MESD: variants seen among roughly 807,000 people sequenced by gnomAD.
The protein encoded by MESD is mesoderm development LRP chaperone.
A neutral mutation model predicts 12.9 loss-of-function variants in MESD; 7 were observed. That is an observed-to-expected ratio of 0.54 (90% CI 0.31 to 1.02). MESD has a LOEUF of 1.02. MESD is among the 50% of genes least tolerant of loss of function. The pLI is 0.05. For missense variants in MESD, 342 were observed against 296.7 expected (o/e 1.15, Z -1.12); for synonymous variants, 126 against 115.6 (o/e 1.09, Z -0.58).
chr15:80,989,668 C>T lies in MESD; in HGVS notation c.124G>A (p.Asp42Asn), dbSNP rs763486733. Residue 42 changes from aspartate (D) to asparagine (N), a missense_variant, in exon 1 of 3, where the codon GAC becomes AAC. By Grantham distance (23) the Asp-to-Asn change is conservative. Transcript: ENST00000261758. ...CAAEGSPGTP[D>N]ESTPPPRKKK... ...TTCCGGGGAGGTGGGGTAGACTCGTCGGGCGTCCCGGGCGAGCCTTCGGCC... is the reference window on the plus strand; with the variant it reads ...TTCCGGGGAGGTGGGGTAGACTCGTTGGGCGTCCCGGGCGAGCCTTCGGCC... 6.8e-6 allele frequency: 11 copies of T among 1,613,426 alleles called. No individual in the cohort carries two copies. In the Admixed American group the frequency reaches 1.7e-4, roughly 24 times the overall value.
intron 1 of MESD, among the ~76,000 whole-genome samples, chr15:80,983,135 C>T (rs1902628419): frequency 6.6e-6 from 1 of 151,826 alleles, no homozygotes; most frequent in Non-Finnish European, 1.5e-5. Flanking sequence ...CCTAGCTACT[C>T]AGGAGGCTGA....
chr15:80,980,875 G>C (rs943513273), intron 2 of MESD, among the ~76,000 whole-genome samples: 1 of 150,328 alleles, frequency 6.7e-6, no homozygotes, highest in Admixed American at 6.6e-5. Context: ...CCAGGCTGGA[G>C]TGCAGTGACG....
At chr15:80,970,456 A>G (rs1902260463) in intron 3 of MESD, 1 of 152,112 alleles carries the variant, frequency 6.6e-6, no homozygotes, top group African/African-American at 2.4e-5. Flanking sequence ...CTCTGGGCTC[A>G]CTCACCTGTA....
intron 3 of MESD, among the ~76,000 whole-genome samples, chr15:80,953,444 G>A (rs981313466): frequency 2.6e-5 from 4 of 152,064 alleles, no homozygotes; most frequent in Non-Finnish European, 5.9e-5. Context: ...GGCACTTCAG[G>A]GTCCTTCATT....
chr15:80,953,153 G>A (rs1037683210), intron 3 of MESD: 1 of 449,264 alleles, frequency 2.2e-6, no homozygotes, highest in Non-Finnish European at 4.5e-6. Flanking sequence ...GCTCAGTCAT[G>A]AGAGGCAAAG....
At chr15:80,969,202 G>A (rs1050566447) in intron 3 of MESD, among the ~76,000 whole-genome samples, 1 of 152,032 alleles carries the variant, frequency 6.6e-6, no homozygotes, top group African/African-American at 2.4e-5. Flanking sequence ...AATAAAATGA[G>A]AGTAAATGAA....
downstream of MESD, chr15:80,970,756 G>A (rs1191098252): frequency 6.6e-6 from 1 of 152,228 alleles, no homozygotes; most frequent in Admixed American, 6.5e-5. Context: ...CCTCAGTACA[G>A]AAGTGGGCTC....
chr15:80,969,669 A>G (rs768253829), intron 3 of MESD, among the ~76,000 whole-genome samples: 2 of 152,162 alleles, frequency 1.3e-5, no homozygotes. Context: ...ACCCTGGCCA[A>G]TATAGTGAAA....
intron 4 of MESD, chr15:80,949,100 C>G: frequency 1.2e-6 from 1 of 807,660 alleles, no homozygotes; most frequent in East Asian, 2.6e-5. Context: ...GCCACCTGCC[C>G]CTACTCAAGT....
intron 3 of MESD, among the ~76,000 whole-genome samples, chr15:80,966,648 A>C (rs1902180752): frequency 1.3e-5 from 2 of 152,176 alleles, no homozygotes; most frequent in South Asian, 4.1e-4. Context: ...TGCCTGCTCA[A>C]ATCTCAGCTT....
Position 80,948,632 on chromosome 15 carries a change from A to G in MESD, c.*893T>C, listed in dbSNP as rs1901671679. 41 of 904,898 alleles carry G rather than the reference A, an allele frequency of 4.5e-5. 1 individual carries two copies. The South Asian group carries it at 5.6e-4, about 12-fold the overall frequency. The allele number at this position is 904,898 out of a possible 1,614,324, so 56.1% of individuals were successfully genotyped here. ...TGCCCCATACAAACACATGTCAGGCACCATCAGTAGCTGAGCACAGAGCTC... is the reference window on the plus strand; with the variant it reads ...TGCCCCATACAAACACATGTCAGGCGCCATCAGTAGCTGAGCACAGAGCTC... On this transcript the variant is annotated 3_prime_UTR_variant, in exon 5 of 5. Transcript: ENST00000561312.
At chr15:80,971,452 T>G (rs1902286883), downstream of MESD, among the ~76,000 whole-genome samples, 1 of 152,152 alleles carries the variant, frequency 6.6e-6, no homozygotes, top group South Asian at 2.1e-4. Flanking sequence ...GCAACAATCC[T>G]AAGTCAGTTA....
chr15:80,985,146 C>T (rs537661346), intron 1 of MESD, among the ~76,000 whole-genome samples: 8 of 152,346 alleles, frequency 5.3e-5, no homozygotes, highest in Non-Finnish European at 2.9e-5. Flanking sequence ...CCTCACTTTG[C>T]TTTCAAAGAG....
intron 3 of MESD, among the ~76,000 whole-genome samples, chr15:80,967,837 T>C (rs1291196648): frequency 6.6e-6 from 1 of 152,186 alleles, no homozygotes; most frequent in African/African-American, 2.4e-5. Context: ...CAGGGAACAG[T>C]GGTCAAAGAT....
At chr15:80,979,872 G>C (rs1307991552) in intron 2 of MESD, among the ~76,000 whole-genome samples, 1 of 152,206 alleles carries the variant, frequency 6.6e-6, no homozygotes, top group Non-Finnish European at 1.5e-5. Flanking sequence ...ACTTTTATGG[G>C]ACAAAAGACT....
chr15:80,969,981 G>C (rs1475508833), intron 3 of MESD, among the ~76,000 whole-genome samples: 1 of 152,222 alleles, frequency 6.6e-6, no homozygotes, highest in African/African-American at 2.4e-5. Context: ...TTACTGCATA[G>C]GGCTGCTTGC....
chr15:80,975,228 A>AAC (rs1902381064), downstream of MESD, among the ~76,000 whole-genome samples: 1 of 149,056 alleles, frequency 6.7e-6, no homozygotes, highest in African/African-American at 2.5e-5. Flanking sequence ...AAACAAAAAA[A>AAC]AAAAAACCTA....
intron 2 of MESD, among the ~76,000 whole-genome samples, chr15:80,981,436 CAA>C (rs58445538): frequency 8.5e-4 from 41 of 48,460 alleles, no homozygotes; most frequent in African/African-American, 2.6e-3. Flanking sequence ...GACTCCGTCT[CAA>C]AAAAAAAAAA....
At chr15:80,953,017 G>A in intron 3 of MESD, 1 of 456,098 alleles carries the variant, frequency 2.2e-6, no homozygotes, top group Non-Finnish European at 4.4e-6. Flanking sequence ...TCAGTGAGTG[G>A]AAGTAGGACA....
Sources: allele counts gnomAD v4.1 joint callset (sites outside exome capture counted in the v4.1 genomes callset), GRCh38; gene constraint gnomAD v4.1.1; transcripts MANE v1.5; gene names NCBI Gene and HGNC (gene_info 2026-07-23, HGNC 2026-07-21).